Variants in ERG observed in about 807,000 individuals in gnomAD.
ERG encodes the protein transcriptional regulator ERG.
A neutral mutation model predicts 55.3 loss-of-function variants in ERG; 9 were observed. The observed-to-expected ratio is 0.16, with a 90% confidence interval of 0.10 to 0.28. ERG has a LOEUF of 0.28. ERG is among the 10% of genes least tolerant of loss of function. The pLI is 1.00. For synonymous variants in ERG, 223 were observed against 237.3 expected (o/e 0.94, Z 0.55); for missense variants, 434 against 631.6 (o/e 0.69, Z 3.35).
intron 1 of ERG, among the ~76,000 whole-genome samples, chr21:38,600,884 C>T (rs751551428): frequency 1.3e-5 from 2 of 152,134 alleles, no homozygotes; most frequent in South Asian, 2.1e-4. Flanking sequence ...ACTCTGCTAT[C>T]GCTCCTTGAA....
intron 1 of ERG, among the ~76,000 whole-genome samples, chr21:38,458,442 A>AG (rs1491050334): frequency 1.3e-5 from 2 of 148,498 alleles, no homozygotes; most frequent in East Asian, 3.9e-4. Context: ...AAAAAAAAAA[A>AG]AGAATGCACC....
intron 2 of ERG, among the ~76,000 whole-genome samples, chr21:38,549,030 G>A (rs146245841): frequency 0.011 from 1,603 of 151,608 alleles, 23 homozygotes; most frequent in African/African-American, 0.033. Context: ...GGAGAATGGC[G>A]TGAACCCAGG....
rs780844851 is a variant in ERG, at chr21:38,614,070, C to T, written c.-149-29125G>A. 1.4e-4 allele frequency among the ~76,000 whole-genome samples: 22 copies of T among 152,224 alleles called. No individual in the cohort carries two copies. The South Asian group carries it at 3.7e-3, about 26-fold the overall frequency. The stretch of plus-strand genomic sequence containing the variant: ...GTGGGGGAAGCCAAGGTTCAGCAAA[C>T]GGGATTCTTCCCTCAGGCTTCATAT... On this transcript the variant is annotated intron_variant, in intron 1 of 10. Transcript: ENST00000398910.
At chr21:38,414,317 C>A (rs1989186596) in intron 3 of ERG, among the ~76,000 whole-genome samples, 1 of 152,196 alleles carries the variant, frequency 6.6e-6, no homozygotes, top group Non-Finnish European at 1.5e-5. Context: ...ATGACCTCAT[C>A]TTAACTTGAT....
chr21:38,383,268 TC>T lies in ERG; in HGVS notation c.*134del. 1 of 1,338,758 alleles carries T rather than the reference TC, an allele frequency of 7.5e-7. No homozygotes were observed. Among genetic ancestry groups the T allele is most frequent in the South Asian group, 2.6e-5 (1 of 37,798 alleles). The allele number at this position is 1,338,758 out of a possible 1,614,324, so 82.9% of individuals were successfully genotyped here. ...CCCTCCCAAGAGTCTTTGGATCTCT[TC>T]CCCGGCTTCCTTCCCCAGCCCCAGT... On this transcript the variant is annotated 3_prime_UTR_variant, in exon 10 of 10. Transcript: ENST00000288319. This position sits in a 1 kb window ranked among gnomAD's most constrained non-coding sequence, Gnocchi z 5.7.
At chr21:38,572,365 CAAAAAA>C (rs758324053) in intron 2 of ERG, among the ~76,000 whole-genome samples, 1 of 66,990 alleles carries the variant, frequency 1.5e-5, no homozygotes, top group East Asian at 5.2e-4. Flanking sequence ...GAGACTCCAT[CAAAAAA>C]AAAAAAAAAA....
At chr21:38,577,956 T>G (rs1601267351) in intron 1 of ERG, among the ~76,000 whole-genome samples, 1 of 150,656 alleles carries the variant, frequency 6.6e-6, no homozygotes, top group Non-Finnish European at 1.5e-5. Flanking sequence ...AGAGGGAAGG[T>G]TTCAGGAGTC....
rs139898241 is a variant in ERG at position 38,413,849 on chromosome 21, T to C, written c.388+9561A>G. On this transcript the variant is annotated intron_variant, in intron 3 of 9. Transcript: ENST00000288319. ...GGGTTTTCTTTCTTTGTCTTCTCTT[T>C]AAATGTTGCTATCCCCAGAGTTTCA... Among the ~76,000 whole-genome samples the C allele has an allele frequency of 9.2e-5, 14 of 152,326 alleles. No homozygotes were observed. The East Asian group carries it at 2.3e-3, about 25-fold the overall frequency.
At chr21:38,630,696 T>G (rs1216716785) in intron 1 of ERG, among the ~76,000 whole-genome samples, 1 of 152,232 alleles carries the variant, frequency 6.6e-6, no homozygotes, top group African/African-American at 2.4e-5. Flanking sequence ...CAATCCTGCA[T>G]AAGTTGAAAA....
intron 2 of ERG, among the ~76,000 whole-genome samples, chr21:38,522,628 T>C (rs1408604836): frequency 6.6e-6 from 1 of 152,240 alleles, no homozygotes; most frequent in Non-Finnish European, 1.5e-5. Context: ...CATATCTAAA[T>C]ATTTTATTTT....
intron 2 of ERG, among the ~76,000 whole-genome samples, chr21:38,562,333 C>T (rs1307713263): frequency 2.0e-5 from 3 of 152,128 alleles, no homozygotes; most frequent in Non-Finnish European, 2.9e-5. Context: ...ATCCCATTTC[C>T]TTTTGTTAAT....
intron 2 of ERG, among the ~76,000 whole-genome samples, chr21:38,435,701 T>C (rs560413199): frequency 6.6e-6 from 1 of 152,290 alleles, no homozygotes; most frequent in South Asian, 2.1e-4. Context: ...TTATTTAAGT[T>C]TATATTTCTC....
Position 38,382,380 on chromosome 21 carries a change from G to A in ERG, c.*1023C>T. On this transcript the variant is annotated 3_prime_UTR_variant, in exon 10 of 10. Transcript: ENST00000288319. ...AAGGCCATCTCTTACCTGACCCTGT[G>A]GAGAACAAAGCCCCCACATAATGAT... is the stretch of plus-strand genomic sequence containing the variant. 9.4e-7 allele frequency: 1 copy of A among 1,060,334 alleles called. No individual in the cohort carries two copies. The highest frequency in any genetic ancestry group is 1.1e-6 in the Non-Finnish European group (1 of 875,848). 65.7% of individuals were successfully genotyped at this position (1,060,334 alleles called of 1,614,324 possible).
intron 3 of ERG, among the ~76,000 whole-genome samples, chr21:38,406,948 T>C (rs771697426): frequency 2.6e-5 from 4 of 152,202 alleles, no homozygotes; most frequent in Admixed American, 2.6e-4. Context: ...TCAACCTGTA[T>C]TGTACTTATC....
At chr21:38,626,962 TAC>T (rs1381174737) in intron 1 of ERG, among the ~76,000 whole-genome samples, 1 of 152,184 alleles carries the variant, frequency 6.6e-6, no homozygotes, top group Non-Finnish European at 1.5e-5. Flanking sequence ...AGCCATAAAC[TAC>T]AGTTTTGCAG....
At chr21:38,589,745 G>A (rs549642126), upstream of ERG, among the ~76,000 whole-genome samples, 3 of 152,328 alleles carry the variant, frequency 2.0e-5, no homozygotes, top group East Asian at 5.8e-4. Context: ...TGGGGGAAAG[G>A]AGGGAAGTCC....
At chr21:38,568,277 G>A (rs753408383) in intron 2 of ERG, among the ~76,000 whole-genome samples, 3 of 151,854 alleles carry the variant, frequency 2.0e-5, no homozygotes. Context: ...TAATTAACAT[G>A]GTGTGCATAT....
chr21:38,481,829 T>C (rs931133661), intron 1 of ERG, among the ~76,000 whole-genome samples: 1 of 152,142 alleles, frequency 6.6e-6, no homozygotes, highest in African/African-American at 2.4e-5. Context: ...GAGGTGACTG[T>C]AGTAACAAAA....
chr21:38,573,851 C>A (rs1045682176), intron 2 of ERG, among the ~76,000 whole-genome samples: 1 of 152,116 alleles, frequency 6.6e-6, no homozygotes, highest in Admixed American at 6.5e-5. Context: ...CTAGAAATAC[C>A]CACAGTTGTG....
Sources: allele counts gnomAD v4.1 joint callset (sites outside exome capture counted in the v4.1 genomes callset), GRCh38; gene constraint gnomAD v4.1.1; non-coding constraint Gnocchi (gnomAD v3.1); transcripts MANE v1.5; gene names NCBI Gene and HGNC (gene_info 2026-07-23, HGNC 2026-07-21).